The following PCDH17 variants were observed in gnomAD, a reference collection of about 807,000 sequenced individuals.
PCDH17 encodes protocadherin 17, also known as protocadherin-17.
A neutral mutation model predicts 67.7 loss-of-function variants in PCDH17; 21 were observed. The ratio of observed to expected loss-of-function variants is 0.31; its 90% CI spans 0.22 to 0.45. The LOEUF is 0.45. PCDH17 is among the 20% of genes least tolerant of loss of function. PCDH17 has a pLI of 1.00. For missense variants in PCDH17, 1,471 were observed against 1,564.8 expected (o/e 0.94, Z 1.01); for synonymous variants, 701 against 656.7 (o/e 1.07, Z -1.03).
intron 1 of PCDH17, among the ~76,000 whole-genome samples, chr13:57,653,635 T>C (rs776213238): frequency 1.3e-5 from 2 of 152,076 alleles, no homozygotes; most frequent in Non-Finnish European, 2.9e-5. Context: ...AGGTGTAATA[T>C]AGTGGTGAGA....
At chr13:57,663,006 G>A (rs1955202514) in intron 1 of PCDH17, among the ~76,000 whole-genome samples, 1 of 151,942 alleles carries the variant, frequency 6.6e-6, no homozygotes, top group African/African-American at 2.4e-5. Context: ...GTTCACATCT[G>A]TTTTGTTATG....
intron 1 of PCDH17, among the ~76,000 whole-genome samples, chr13:57,636,506 G>A (rs965144344): frequency 1.3e-5 from 2 of 151,912 alleles, no homozygotes; most frequent in Non-Finnish European, 2.9e-5. Context: ...TAATGTCCTT[G>A]TAAAACAATC....
At chr13:57,659,103 T>TTGTGTGTGTG (rs71083322) in intron 1 of PCDH17, among the ~76,000 whole-genome samples, 5,665 of 139,792 alleles carry the variant, frequency 0.041, 183 homozygotes, top group East Asian at 0.17. Context: ...GTTATTTATA[T>TTGTGTGTGTG]TGTGTGTGTG....
intron 1 of PCDH17, among the ~76,000 whole-genome samples, chr13:57,641,414 C>T (rs992556222): frequency 1.5e-5 from 2 of 132,850 alleles, no homozygotes; most frequent in African/African-American, 5.6e-5. Context: ...TAAGGTAAAG[C>T]AAAAAAAAAG....
intron 1 of PCDH17, among the ~76,000 whole-genome samples, chr13:57,657,365 A>G (rs1173681240): frequency 7.9e-5 from 12 of 152,200 alleles, no homozygotes; most frequent in Non-Finnish European, 1.5e-4. Context: ...CAACCACACT[A>G]TACTTGTATA....
At chr13:57,698,382 T>C (rs1175321433) in intron 3 of PCDH17, among the ~76,000 whole-genome samples, 1 of 151,764 alleles carries the variant, frequency 6.6e-6, no homozygotes, top group Non-Finnish European at 1.5e-5. Flanking sequence ...TATAGGAAAA[T>C]TGAGGCTAGA....
chr13:57,724,939 C>A lies in PCDH17; in HGVS notation c.3125C>A (p.Ala1042Glu), dbSNP rs1425153339. 2 of 1,614,040 alleles carry A rather than the reference C, an allele frequency of 1.2e-6. No homozygotes were observed. Among genetic ancestry groups the A allele is most frequent in the Non-Finnish European group, 1.7e-6 (2 of 1,180,014 alleles). The change falls in exon 4 of 4, where the codon GCG becomes GAG. Residue 1042 changes from alanine to glutamate, a missense_variant. By Grantham distance (107) the Ala-to-Glu change is moderately radical (BLOSUM62 -1). Around this residue, in one of 3 missense-constraint regions of PCDH17, gnomAD observed 297 missense variants for 298.6 expected, o/e 0.99. Transcript: ENST00000377918. ...VPSASSSPTK[A>E]CIEPCTSTKG... ...TCAGCATCAAGCAGCCCAACCAAGG[C>A]GTGCATCGAGCCTTGCACCTCAACA...
In PCDH17 at chr13:57,726,567, C is replaced by A. The variant is rs933301580; in HGVS notation, c.*1273C>A. Reference sequence around the variant, plus strand: ...TGTTTAATGTATAGTCTACCAAGTACTACAGTACATAATCTGTTCAAAATG... The same window carrying A: ...TGTTTAATGTATAGTCTACCAAGTAATACAGTACATAATCTGTTCAAAATG... On this transcript the variant is annotated 3_prime_UTR_variant, in exon 4 of 4. Transcript: ENST00000377918. 2 of 152,594 alleles carry A rather than the reference C, an allele frequency of 1.3e-5. No individual in the cohort carries two copies. The highest frequency in any genetic ancestry group is 6.5e-5 in the Admixed American group (1 of 15,276). The allele number at this position is 152,594 out of a possible 1,614,324, so 9.5% of individuals were successfully genotyped here. A position where few individuals can be genotyped will look rare whatever the true frequency, so the allele number is the denominator to read the frequency against.
intron 3 of PCDH17, among the ~76,000 whole-genome samples, chr13:57,669,496 AT>A (rs1174742153): frequency 1.3e-5 from 2 of 150,830 alleles, no homozygotes; most frequent in Non-Finnish European, 3.0e-5. Flanking sequence ...TTTTTTGTCT[AT>A]GTCAACTATT....
chr13:57,651,356 G>GTTTTTTT (rs67207232), intron 1 of PCDH17, among the ~76,000 whole-genome samples: 2 of 84,102 alleles, frequency 2.4e-5, no homozygotes, highest in Admixed American at 1.5e-4. Context: ...TTTAATTGAG[G>GTTTTTTT]TTTTTTTTTT....
chr13:57,691,961 T>C (rs541150545), intron 3 of PCDH17, among the ~76,000 whole-genome samples: 2 of 151,370 alleles, frequency 1.3e-5, no homozygotes, highest in African/African-American at 2.4e-5. Flanking sequence ...TACTAGAGCT[T>C]ATTAAATTTT....
chr13:57,693,268 G>A (rs541707284), intron 3 of PCDH17, among the ~76,000 whole-genome samples: 1 of 134,384 alleles, frequency 7.4e-6, no homozygotes, highest in South Asian at 2.3e-4. Flanking sequence ...TAGTATTTGA[G>A]GTAAAAAAAA....
intron 1 of PCDH17, among the ~76,000 whole-genome samples, chr13:57,639,435 A>C (rs1315749176): frequency 6.6e-6 from 1 of 151,802 alleles, no homozygotes; most frequent in Non-Finnish European, 1.5e-5. Context: ...TTTAGCTCCA[A>C]TTTTAATGTG....
rs772318001 is a variant in PCDH17, at chr13:57,633,876, G to A, written c.1330G>A (p.Ala444Thr). The part of the protein sequence containing the change: ...TQDEYNVTIV[A>T]RDGGSPPLNS... ...AGACGAGTACAACGTGACCATCGTG[G>A]CGCGGGACGGGGGCTCTCCTCCCCT... Residue 444 changes from alanine to threonine, a missense_variant, in exon 1 of 4, where the codon GCG becomes ACG. Transcript: ENST00000377918. The surrounding 1 kb of genome is among the most constrained non-coding windows in gnomAD (Gnocchi z 6.2). 6.2e-7 allele frequency: 1 copy of A among 1,613,134 alleles called. No homozygotes were observed. The highest frequency in any genetic ancestry group is 8.5e-7 in the Non-Finnish European group (1 of 1,180,026).
chr13:57,678,241 G>A (rs984409400), intron 3 of PCDH17, among the ~76,000 whole-genome samples: 10 of 151,476 alleles, frequency 6.6e-5, no homozygotes, highest in Non-Finnish European at 1.5e-4. Context: ...AGAGATCGGA[G>A]ACAGAAGGTT....
At chr13:57,685,578 T>C (rs897601059) in intron 3 of PCDH17, among the ~76,000 whole-genome samples, 3 of 152,030 alleles carry the variant, frequency 2.0e-5, no homozygotes, top group African/African-American at 7.2e-5. Context: ...GTCTAAAAAT[T>C]ATTTTAAATC....
In PCDH17 at chr13:57,633,755, G is replaced by A. The variant is rs1326448013; in HGVS notation, c.1209G>A (p.Leu403=). ...GGGGTGGGGG[L]GGPGGSVPFK... is the part of the protein sequence containing the mutation. ...GAGGGACGGGCGGCGGCGGGGGCCT[G>A]GGCGGGCCCGGGGGTTCCGTCCCCT... Residue 403 remains leucine, a synonymous_variant, in exon 1 of 4, where the codon CTG becomes CTA. Coordinates refer to ENST00000377918, the MANE Select transcript of PCDH17 (RefSeq NM_001040429.3). This position sits in a 1 kb window ranked among gnomAD's most constrained non-coding sequence, Gnocchi z 6.2. 1.3e-6 allele frequency: 2 copies of A among 1,588,650 alleles called. No homozygotes were observed. Among genetic ancestry groups the A allele is most frequent in the East Asian group, 4.6e-5 (2 of 43,860 alleles).
At chr13:57,705,875 TG>T in intron 3 of PCDH17, among the ~76,000 whole-genome samples, 1 of 151,674 alleles carries the variant, frequency 6.6e-6, no homozygotes, top group African/African-American at 2.4e-5. Flanking sequence ...ATTAGCTGGG[TG>T]TGGTGGCGCA....
At chr13:57,666,313 C>T (rs1040486258) in intron 1 of PCDH17, among the ~76,000 whole-genome samples, 155 bp from the exon 2 acceptor site, 4 of 152,104 alleles carry the variant, frequency 2.6e-5, no homozygotes, top group African/African-American at 9.7e-5. Context: ...TACATAATTA[C>T]ATGTCAGCAA....
Sources: allele counts gnomAD v4.1 joint callset (sites outside exome capture counted in the v4.1 genomes callset), GRCh38; gene constraint gnomAD v4.1.1; regional missense constraint gnomAD v4.1.1; non-coding constraint Gnocchi (gnomAD v3.1); transcripts MANE v1.5; gene names NCBI Gene and HGNC (gene_info 2026-07-23, HGNC 2026-07-21).